The following DACH1 variants were observed in gnomAD, a reference collection of about 807,000 sequenced individuals.
DACH1 encodes dachshund family transcription factor 1, also known as dachshund homolog 1.
DACH1 carries 12 observed loss-of-function variants against 54.2 expected under a neutral mutation model. The ratio of observed to expected loss-of-function variants is 0.22; its 90% CI spans 0.14 to 0.36. The LOEUF is 0.36. Ranked by LOEUF, DACH1 falls within the 10% of genes least tolerant of loss-of-function variation. The pLI is 1.00. For synonymous variants in DACH1, 386 were observed against 366.2 expected (o/e 1.05, Z -0.62); for missense variants, 805 against 929.8 (o/e 0.87, Z 1.75).
intron 1 of DACH1, among the ~76,000 whole-genome samples, chr13:71,797,157 A>G (rs1594233866): frequency 6.6e-6 from 1 of 152,054 alleles, no homozygotes; most frequent in African/African-American, 2.4e-5. Flanking sequence ...GCATATTGTA[A>G]TTTTTGAACC....
intron 4 of DACH1, among the ~76,000 whole-genome samples, chr13:71,564,826 C>T (rs1267362351): frequency 1.3e-5 from 2 of 152,052 alleles, no homozygotes; most frequent in African/African-American, 4.8e-5. Context: ...TTTTGCTCTC[C>T]TTTTAATTCT....
chr13:71,680,885 A>G (rs1880856974), intron 2 of DACH1, among the ~76,000 whole-genome samples: 1 of 152,086 alleles, frequency 6.6e-6, no homozygotes, highest in South Asian at 2.1e-4. Context: ...TGTTACAAAG[A>G]AAAATACAAT....
At chr13:71,525,177 T>C (rs1881869101) in intron 6 of DACH1, among the ~76,000 whole-genome samples, 1 of 152,128 alleles carries the variant, frequency 6.6e-6, no homozygotes, top group South Asian at 2.1e-4. Flanking sequence ...GCAGATGGGC[T>C]GAGAAAAACA....
chr13:71,785,477 A>C (rs1275386610), intron 1 of DACH1, among the ~76,000 whole-genome samples: 1 of 152,202 alleles, frequency 6.6e-6, no homozygotes, highest in Non-Finnish European at 1.5e-5. Context: ...GTTTTAAGAT[A>C]ATAAGGCAAG....
intron 1 of DACH1, among the ~76,000 whole-genome samples, chr13:71,755,401 T>C (rs1019997680): frequency 1.3e-5 from 2 of 152,166 alleles, no homozygotes; most frequent in African/African-American, 2.4e-5. Context: ...AATTGTGACA[T>C]CAGTGGGCCA....
chr13:71,615,262 T>C (rs1427161277), intron 3 of DACH1, among the ~76,000 whole-genome samples: 2 of 152,150 alleles, frequency 1.3e-5, no homozygotes, highest in African/African-American at 4.8e-5. Flanking sequence ...TAGAAATAAT[T>C]TAAACCATTT....
chr13:71,715,723 T>C (rs974562181), intron 1 of DACH1, among the ~76,000 whole-genome samples: 1 of 151,994 alleles, frequency 6.6e-6, no homozygotes, highest in African/African-American at 2.4e-5. Flanking sequence ...AAAGACAACT[T>C]TCAGTCTCGG....
At chr13:71,719,038 T>G (rs1199611938) in intron 1 of DACH1, among the ~76,000 whole-genome samples, 1 of 152,128 alleles carries the variant, frequency 6.6e-6, no homozygotes, top group Non-Finnish European at 1.5e-5. Flanking sequence ...GAGCTTTCTT[T>G]TCTGTTGGCA....
chr13:71,728,739 T>G (rs1007835083), intron 1 of DACH1, among the ~76,000 whole-genome samples: 3 of 151,984 alleles, frequency 2.0e-5, no homozygotes, highest in African/African-American at 7.2e-5. Flanking sequence ...CACTACTGAG[T>G]GTATTGTCTG....
chr13:71,537,850 T>C (rs1294322892), intron 6 of DACH1, among the ~76,000 whole-genome samples: 10 of 152,150 alleles, frequency 6.6e-5, no homozygotes, highest in East Asian at 1.9e-4. Flanking sequence ...ATATTTTCTG[T>C]TTACTAGACA....
intron 3 of DACH1, among the ~76,000 whole-genome samples, chr13:71,620,862 A>G (rs1876181318): frequency 1.3e-5 from 2 of 151,420 alleles, no homozygotes; most frequent in African/African-American, 2.4e-5. Flanking sequence ...AAGTAAAATC[A>G]TAGATGAATT....
chr13:71,710,455 TG>T (rs1882666434), intron 1 of DACH1, among the ~76,000 whole-genome samples: 10 of 2,906 alleles, frequency 3.4e-3, no homozygotes, highest in East Asian at 0.011. Flanking sequence ...GAGGGTTTTG[TG>T]TGTGTGTGTG....
At chr13:71,846,036 G>A (rs1473938804) in intron 1 of DACH1, 2 of 167,170 alleles carry the variant, frequency 1.2e-5, no homozygotes, top group Non-Finnish European at 2.7e-5. Context: ...TAAGCGGAGT[G>A]GGTCTCCAGA....
intron 1 of DACH1, among the ~76,000 whole-genome samples, chr13:71,823,502 C>G (rs1461340499): frequency 6.6e-6 from 1 of 152,014 alleles, no homozygotes; most frequent in Non-Finnish European, 1.5e-5. Context: ...CCTTTTATTT[C>G]TGGTATTACA....
At chr13:71,710,989 A>G (rs1239720511) in intron 1 of DACH1, among the ~76,000 whole-genome samples, 2 of 152,296 alleles carry the variant, frequency 1.3e-5, no homozygotes. Flanking sequence ...TACCCTAGTC[A>G]GTTATTCTAT....
chr13:71,683,216 G>T (rs1880997670), intron 1 of DACH1, among the ~76,000 whole-genome samples: 1 of 152,128 alleles, frequency 6.6e-6, no homozygotes, highest in East Asian at 1.9e-4. Flanking sequence ...CAAAGGGGAA[G>T]AATCTGGTGC....
intron 7 of DACH1, among the ~76,000 whole-genome samples, chr13:71,480,103 C>T (rs1463371331): frequency 6.6e-6 from 1 of 152,118 alleles, no homozygotes; most frequent in Non-Finnish European, 1.5e-5. Flanking sequence ...GAGACATGTT[C>T]TCTCATTCAG....
intron 4 of DACH1, among the ~76,000 whole-genome samples, chr13:71,566,368 G>A (rs997821096): frequency 3.9e-5 from 6 of 152,066 alleles, no homozygotes; most frequent in Non-Finnish European, 8.8e-5. Flanking sequence ...CTTTTATGAT[G>A]CCAGCCACCA....
intron 3 of DACH1, among the ~76,000 whole-genome samples, chr13:71,603,719 A>G (rs571405723): frequency 6.6e-6 from 1 of 152,114 alleles, no homozygotes; most frequent in Non-Finnish European, 1.5e-5. Context: ...CCAACAAATA[A>G]TATTTTATAT....
Sources: gnomAD v4.1 joint callset for allele counts (sites outside exome capture counted in the v4.1 genomes callset) on GRCh38, gnomAD v4.1.1 for gene constraint, MANE v1.5 for transcripts, NCBI Gene and HGNC (gene_info 2026-07-23, HGNC 2026-07-21) for gene names.